USP25: variants seen among roughly 807,000 people sequenced by gnomAD.
USP25 encodes the protein ubiquitin carboxyl-terminal hydrolase 25.
A neutral mutation model predicts 158.5 loss-of-function variants in USP25; 85 were observed. The ratio of observed to expected loss-of-function variants is 0.54; its 90% confidence interval spans 0.45 to 0.64. The LOEUF (loss-of-function observed/expected upper bound fraction) is 0.64, where lower values mean the gene tolerates loss of function less well. USP25 is among the 30% of genes least tolerant of loss of function. The pLI, the probability that USP25 is intolerant of heterozygous loss-of-function variation, is 0.00. For missense variants in USP25, 1,242 were observed against 1,327.3 expected, an observed-to-expected ratio of 0.94 and a Z score of 1.00; for synonymous variants, 464 against 460.4, an observed-to-expected ratio of 1.01 and a Z score of -0.10.
At position 15,826,122 on chromosome 21, in the gene USP25, G is replaced by C. The variant is rs1001228008; in HGVS notation, c.1305-82G>C. On this transcript the variant is annotated intron_variant, in intron 12 of 25. Coordinates refer to ENST00000400183, the MANE Select transcript of USP25 (RefSeq NM_001283041.3). The surrounding 1 kb of genome is among the most constrained non-coding windows in gnomAD (Gnocchi z 4.8). The stretch of plus-strand genomic sequence containing the variant: ...GCTGAGGAAGTTTTATTGAAGTATC[G>C]TATCACGTTTTATAATAATAATAAA... 12 of 1,381,502 alleles carry C rather than the reference G, an allele frequency of 8.7e-6. No homozygotes were observed. Among genetic ancestry groups the C allele is most frequent in the Non-Finnish European group, 1.2e-5 (12 of 1,012,934 alleles). 85.6% of individuals were successfully genotyped at this position (1,381,502 alleles called of 1,614,324 possible). A position where few individuals can be genotyped will look rare whatever the true frequency, so the allele number is the denominator to read the frequency against.
At chr21:15,785,684 C>T (rs2035232018) in intron 4 of USP25, among the ~76,000 whole-genome samples, 1 of 152,026 alleles carries the variant, frequency 6.6e-6, no homozygotes, top group African/African-American at 2.4e-5. Context: ...AAGTTCATGG[C>T]AATAAATGCC....
intron 17 of USP25, among the ~76,000 whole-genome samples, chr21:15,834,456 T>C (rs1011569419): frequency 6.6e-6 from 1 of 152,136 alleles, no homozygotes; most frequent in African/African-American, 2.4e-5. Flanking sequence ...TTGCAAGATC[T>C]GCATGTTTTG....
At position 15,831,386 on chromosome 21, in the gene USP25, T is replaced by A. The variant is rs748684661; in HGVS notation, c.1765-15T>A. ...TACATAATTGCAGTTTAACTCTTCT[T>A]TTTTTCACATTTAGGTTCCTTATCG... On this transcript the variant is annotated splice_polypyrimidine_tract_variant and intron_variant, in intron 15 of 25. Transcript: ENST00000400183. The A allele has an allele frequency of 6.2e-7, 1 of 1,613,084 alleles. No individual in the cohort carries two copies.
At chr21:15,746,015 T>C (rs892599822) in intron 1 of USP25, among the ~76,000 whole-genome samples, 38 of 152,328 alleles carry the variant, frequency 2.5e-4, no homozygotes, top group Admixed American at 5.2e-4. Context: ...TAATTGATCA[T>C]GTATGAGTGG....
Position 15,852,566 on chromosome 21 carries a change from A to G in USP25, c.2547+2694A>G, listed in dbSNP as rs539043416. Among the ~76,000 whole-genome samples, 364 of 152,274 alleles carry G rather than the reference A, an allele frequency of 2.4e-3. 3 individuals are homozygous for G. The highest frequency in any genetic ancestry group is 0.017 in the South Asian group (84 of 4,828). On this transcript the variant is annotated intron_variant, in intron 20 of 25. Transcript: ENST00000400183. Reference sequence around the variant, plus strand: ...TTAGTATTATCACGAAGCTTATCTTATGTGTCCAGTTCTGGTCCACATATA... The same window carrying G: ...TTAGTATTATCACGAAGCTTATCTTGTGTGTCCAGTTCTGGTCCACATATA...
chr21:15,864,485 CT>C (rs530039459), intron 21 of USP25, 39 bp downstream of exon 21: 65,266 of 1,046,400 alleles, frequency 0.062, 75 homozygotes, highest in East Asian at 0.088. Flanking sequence ...TCAAATCGTT[CT>C]TTTTTTTTTT....
At chr21:15,815,469 C>A (rs2036889986) in intron 9 of USP25, among the ~76,000 whole-genome samples, 1 of 152,162 alleles carries the variant, frequency 6.6e-6, no homozygotes, top group African/African-American at 2.4e-5. Context: ...CAACACCAAC[C>A]CGTGAAAGCA....
intron 17 of USP25, among the ~76,000 whole-genome samples, chr21:15,838,016 T>C (rs1478998699): frequency 6.6e-6 from 1 of 151,938 alleles, no homozygotes; most frequent in Non-Finnish European, 1.5e-5. Flanking sequence ...GCTCACTGCC[T>C]GCCGGGTTCA....
chr21:15,736,431 A>C (rs549187900), intron 1 of USP25, among the ~76,000 whole-genome samples: 2 of 152,270 alleles, frequency 1.3e-5, no homozygotes, highest in East Asian at 3.9e-4. Context: ...TTTAGAATTT[A>C]ACCATGCACA....
chr21:15,861,813 A>G (rs1206172574), intron 20 of USP25, among the ~76,000 whole-genome samples: 1 of 152,110 alleles, frequency 6.6e-6, no homozygotes, highest in South Asian at 2.1e-4. Flanking sequence ...GGTGGTAAAA[A>G]TGTTTTCTTG....
intron 4 of USP25, among the ~76,000 whole-genome samples, chr21:15,781,482 A>G (rs2034959431): frequency 6.6e-6 from 1 of 152,198 alleles, no homozygotes; most frequent in African/African-American, 2.4e-5. Context: ...GATGTCAGCA[A>G]GATCGCCAAC....
In USP25 at chr21:15,847,708, G is replaced by A. The variant is rs2038688970; in HGVS notation, c.2383G>A (p.Val795Ile). The A allele has an allele frequency of 1.9e-6, 3 of 1,550,214 alleles. No individual in the cohort carries two copies. The highest frequency in any genetic ancestry group is 1.7e-6 in the Non-Finnish European group (2 of 1,146,702). ...CCAACCACTTTCTAATCAGCGAGTT[G>A]TAGAGGTGGCGATCCCTCATGTAGG... ...TSQPLSNQRV[V>I]EVAIPHVGKF... is the part of the protein sequence containing the mutation. Residue 795 changes from valine to isoleucine, a missense_variant, in exon 19 of 26, where the codon GTA becomes ATA. Val to Ile is a conservative substitution (Grantham distance 29, BLOSUM62 3). Transcript: ENST00000400183.
At chr21:15,731,442 AC>A (rs1397533786) in intron 1 of USP25, among the ~76,000 whole-genome samples, 1 of 152,076 alleles carries the variant, frequency 6.6e-6, no homozygotes, top group African/African-American at 2.4e-5. Flanking sequence ...TGAATGCCCC[AC>A]CCTGTTGTAG....
chr21:15,849,913 A>G, intron 20 of USP25, 41 bp downstream of exon 20: 1 of 1,346,512 alleles, frequency 7.4e-7, no homozygotes, highest in Non-Finnish European at 1.0e-6. Context: ...TTCTTTTTCA[A>G]AATTAAACTT....
At chr21:15,839,865 A>G (rs2038246875) in intron 17 of USP25, among the ~76,000 whole-genome samples, 1 of 152,094 alleles carries the variant, frequency 6.6e-6, no homozygotes, top group Admixed American at 6.5e-5. Context: ...AGTATCCTTC[A>G]TCTTAAAAAT....
At chr21:15,861,015 C>A (rs2039407297) in intron 20 of USP25, among the ~76,000 whole-genome samples, 1 of 148,970 alleles carries the variant, frequency 6.7e-6, no homozygotes, top group African/African-American at 2.5e-5. Flanking sequence ...AAAATTAAGT[C>A]CATAAGAAGT....
intron 18 of USP25, among the ~76,000 whole-genome samples, chr21:15,846,120 GTGTATATATA>G (rs1482344704): frequency 1.4e-5 from 1 of 71,394 alleles, no homozygotes; most frequent in South Asian, 4.6e-4. Flanking sequence ...GTGTGTGTGT[GTGTATATATA>G]TATATATATA....
intron 23 of USP25, among the ~76,000 whole-genome samples, chr21:15,872,392 T>C (rs2039932233): frequency 6.6e-6 from 1 of 152,202 alleles, no homozygotes; most frequent in South Asian, 2.1e-4. Context: ...AACAAGGTCA[T>C]GGTTTCAGAG....
rs2030643605 is a variant in USP25 at position 15,730,218 on chromosome 21, CCG to C, written c.-173_-172del. 1.6e-6 allele frequency: 1 copy of C among 644,248 alleles called. No homozygotes were observed. Among genetic ancestry groups the C allele is most frequent in the South Asian group, 6.8e-5 (1 of 14,700 alleles). The allele number at this position is 644,248 out of a possible 1,614,324, so 39.9% of individuals were successfully genotyped here. On this transcript the variant is annotated 5_prime_UTR_variant, in exon 1 of 26. Transcript: ENST00000400183. ...TCACAGTCGGCGTTTCGCCGCCTGC[CCG>C]CGGTGCCCGCGCACGCCGGCCGCCA...
Sources: gnomAD v4.1 joint callset for allele counts (sites outside exome capture counted in the v4.1 genomes callset) on GRCh38, gnomAD v4.1.1 for gene constraint, Gnocchi (gnomAD v3.1) non-coding constraint, MANE v1.5 for transcripts, NCBI Gene and HGNC (gene_info 2026-07-23, HGNC 2026-07-21) for gene names.